FOCAD: variants seen among roughly 807,000 people sequenced by gnomAD.
The protein encoded by FOCAD is KIAA1797.
FOCAD carries 198 observed loss-of-function variants against 225.6 expected under a neutral mutation model. The ratio of observed to expected loss-of-function variants is 0.88; its 90% CI spans 0.78 to 0.99. The LOEUF (loss-of-function observed/expected upper bound fraction) is 0.99. Ranked by LOEUF, FOCAD falls within the 50% of genes least tolerant of loss-of-function variation. FOCAD has a pLI of 0.00. For missense variants in FOCAD, 2,713 were observed against 2,123.6 expected (o/e 1.28, Z -5.46); for synonymous variants, 897 against 755.0 (o/e 1.19, Z -3.08).
chr9:20,925,994 T>TCATTCATTCACTCACTC (rs1834901502), intron 25 of FOCAD, among the ~76,000 whole-genome samples: 1 of 152,236 alleles, frequency 6.6e-6, no homozygotes, highest in African/African-American at 2.4e-5. Context: ...TTATCTTCAC[T>TCATTCATTCACTCACTC]ATAATTCATT....
chr9:20,932,782 A>T (rs952298933), intron 27 of FOCAD, among the ~76,000 whole-genome samples: 1 of 152,186 alleles, frequency 6.6e-6, no homozygotes, highest in Non-Finnish European at 1.5e-5. Context: ...TTTTGTGTTT[A>T]TTGGTTTGCA....
intron 11 of FOCAD, among the ~76,000 whole-genome samples, chr9:20,808,707 C>T (rs1242861308): frequency 3.3e-5 from 5 of 152,172 alleles, no homozygotes; most frequent in South Asian, 2.1e-4. Context: ...CTCCTGGCAT[C>T]GACTGTCATC....
chr9:20,894,808 G>T (rs1275242110), intron 21 of FOCAD, among the ~76,000 whole-genome samples: 1 of 151,980 alleles, frequency 6.6e-6, no homozygotes, highest in Non-Finnish European at 1.5e-5. Flanking sequence ...GCCTTTTGTA[G>T]ATCAGAAGAT....
intron 15 of FOCAD, among the ~76,000 whole-genome samples, chr9:20,838,329 G>A (rs1329301695): frequency 1.3e-5 from 2 of 151,248 alleles, no homozygotes; most frequent in East Asian, 3.9e-4. Context: ...TTTCACAATA[G>A]CCTGGTGGAA....
intron 7 of FOCAD, among the ~76,000 whole-genome samples, chr9:20,767,542 T>C (rs1338169323): frequency 6.6e-6 from 1 of 151,738 alleles, no homozygotes; most frequent in African/African-American, 2.4e-5. Flanking sequence ...TGGTATCTCA[T>C]TGTGGTTTTG....
chr9:20,844,093 T>C (rs900845663), intron 15 of FOCAD, among the ~76,000 whole-genome samples: 1 of 152,088 alleles, frequency 6.6e-6, no homozygotes, highest in Non-Finnish European at 1.5e-5. Flanking sequence ...TCTAGGAATG[T>C]ACCCAAGAAA....
intron 26 of FOCAD, among the ~76,000 whole-genome samples, chr9:20,927,501 A>G (rs939919215): frequency 1.3e-5 from 2 of 152,116 alleles, no homozygotes; most frequent in Non-Finnish European, 2.9e-5. Flanking sequence ...TAAATACTCT[A>G]TAAATACAAA....
intron 2 of FOCAD, among the ~76,000 whole-genome samples, chr9:20,717,563 T>C (rs1425359004): frequency 1.3e-5 from 2 of 152,230 alleles, no homozygotes; most frequent in Non-Finnish European, 2.9e-5. Flanking sequence ...CTATGCACTA[T>C]AGTTGCTTAT....
intron 28 of FOCAD, among the ~76,000 whole-genome samples, chr9:20,941,886 A>G: frequency 6.6e-6 from 1 of 152,216 alleles, no homozygotes; most frequent in East Asian, 1.9e-4. Flanking sequence ...AGACATATCA[A>G]AGAGAAGCTA....
chr9:20,762,559 G>C (rs1829699625), intron 6 of FOCAD, among the ~76,000 whole-genome samples: 2 of 152,108 alleles, frequency 1.3e-5, no homozygotes, highest in Admixed American at 1.3e-4. Flanking sequence ...AATTGGCTTG[G>C]TAACTTTTAC....
intron 43 of FOCAD, among the ~76,000 whole-genome samples, chr9:20,994,678 C>G (rs1209344542): frequency 6.6e-6 from 1 of 152,154 alleles, no homozygotes; most frequent in Non-Finnish European, 1.5e-5. Context: ...TCACATTATC[C>G]ATCCCTAGAG....
intron 7 of FOCAD, among the ~76,000 whole-genome samples, chr9:20,769,345 G>T (rs1415091362): frequency 6.6e-6 from 1 of 152,118 alleles, no homozygotes; most frequent in Non-Finnish European, 1.5e-5. Flanking sequence ...TGAAGCAGAT[G>T]GTCCGTTGTT....
intron 26 of FOCAD, 181 bp from the exon 27 acceptor site, chr9:20,929,177 C>A (rs752212753): frequency 1.8e-6 from 1 of 546,436 alleles, no homozygotes; most frequent in Non-Finnish European, 3.2e-6. Flanking sequence ...CAAAACATTT[C>A]ATTAATAATG....
At chr9:20,844,783 G>A (rs539386959) in intron 15 of FOCAD, among the ~76,000 whole-genome samples, 1 of 152,154 alleles carries the variant, frequency 6.6e-6, no homozygotes, top group South Asian at 2.1e-4. Context: ...AGTAAAATTA[G>A]TATTATTAGT....
intron 4 of FOCAD, among the ~76,000 whole-genome samples, chr9:20,738,688 C>G (rs1159803519): frequency 6.6e-6 from 1 of 152,124 alleles, no homozygotes; most frequent in Non-Finnish European, 1.5e-5. Context: ...CTCAATACTC[C>G]CCAAAGAATC....
At chr9:20,809,567 A>G (rs1822829178) in intron 11 of FOCAD, among the ~76,000 whole-genome samples, 1 of 152,084 alleles carries the variant, frequency 6.6e-6, no homozygotes, top group African/African-American at 2.4e-5. Flanking sequence ...ATCATTATCT[A>G]TGCTGTTTAT....
chr9:20,685,695 G>C (rs1203743123), intron 1 of FOCAD, among the ~76,000 whole-genome samples: 1 of 152,112 alleles, frequency 6.6e-6, no homozygotes, highest in Non-Finnish European at 1.5e-5. Flanking sequence ...CCTCTGCCTT[G>C]ATTATTTGCT....
At chr9:20,982,634 ATGT>A (rs984307571) in intron 39 of FOCAD, among the ~76,000 whole-genome samples, 188 bp downstream of exon 39, 16 of 152,198 alleles carry the variant, frequency 1.1e-4, no homozygotes, top group African/African-American at 3.9e-4. Context: ...TGCTTAACAA[ATGT>A]TGTATGGATG....
intron 11 of FOCAD, among the ~76,000 whole-genome samples, chr9:20,798,161 G>A (rs1262903806): frequency 7.9e-5 from 12 of 152,076 alleles, no homozygotes; most frequent in East Asian, 1.9e-4. Flanking sequence ...ATTGATTTGC[G>A]TATGTTGAAC....
Sources: gnomAD v4.1 joint callset for allele counts (sites outside exome capture counted in the v4.1 genomes callset) on GRCh38, gnomAD v4.1.1 for gene constraint, MANE v1.5 for transcripts, NCBI Gene and HGNC (gene_info 2026-07-23, HGNC 2026-07-21) for gene names.